FAF1: variants seen among roughly 807,000 people sequenced by gnomAD.
The protein encoded by FAF1 is FAS-associated factor 1.
FAF1 carries 25 observed loss-of-function variants against 92.5 expected under a neutral mutation model. That is an observed-to-expected ratio of 0.27 (90% CI 0.20 to 0.38). The LOEUF is 0.38. Among genes scored for constraint, FAF1 ranks in the 10% least tolerant of loss-of-function variants. FAF1 has a pLI of 1.00. For synonymous variants in FAF1, 234 were observed against 273.2 expected, an observed-to-expected ratio of 0.86 and a Z score of 1.42; for missense variants, 636 against 793.3, an observed-to-expected ratio of 0.80 and a Z score of 2.38.
chr1:50,648,701 C>T (rs1048268821), intron 8 of FAF1, among the ~76,000 whole-genome samples: 2 of 151,968 alleles, frequency 1.3e-5, no homozygotes, highest in African/African-American at 2.4e-5. Context: ...CCGAGGTAGG[C>T]GGATCACCTG....
chr1:50,635,598 G>C (rs1437701150), intron 8 of FAF1, among the ~76,000 whole-genome samples: 1 of 152,096 alleles, frequency 6.6e-6, no homozygotes, highest in Non-Finnish European at 1.5e-5. Flanking sequence ...ACTAATTTTT[G>C]TATTTTTGAT....
intron 18 of FAF1, among the ~76,000 whole-genome samples, chr1:50,446,178 T>C (rs1646225252): frequency 6.6e-6 from 1 of 152,068 alleles, no homozygotes; most frequent in African/African-American, 2.4e-5. Flanking sequence ...CTTAGAGAGG[T>C]CAAGTGACTT....
intron 1 of FAF1, among the ~76,000 whole-genome samples, chr1:50,911,745 T>C (rs1175020873): frequency 1.3e-5 from 2 of 150,416 alleles, no homozygotes; most frequent in African/African-American, 4.9e-5. Context: ...ATAAAATTTG[T>C]ACTTGGGCCA....
At chr1:50,611,336 A>G (rs1431595575) in intron 8 of FAF1, among the ~76,000 whole-genome samples, 1 of 152,208 alleles carries the variant, frequency 6.6e-6, no homozygotes, top group African/African-American at 2.4e-5. Flanking sequence ...GGTAGATATT[A>G]ACACAAAAAG....
At chr1:50,704,826 G>A (rs921094993) in intron 7 of FAF1, among the ~76,000 whole-genome samples, 4 of 152,042 alleles carry the variant, frequency 2.6e-5, no homozygotes, top group African/African-American at 9.7e-5. Context: ...AAATTCAGAA[G>A]CTGAAATTCA....
chr1:50,828,719 C>T (rs958841011), intron 2 of FAF1, among the ~76,000 whole-genome samples: 2 of 152,016 alleles, frequency 1.3e-5, no homozygotes, highest in African/African-American at 2.4e-5. Flanking sequence ...CTAAAAGAAA[C>T]GCAGGAAAAC....
intron 8 of FAF1, among the ~76,000 whole-genome samples, chr1:50,599,103 T>A (rs1244023144): frequency 6.6e-6 from 1 of 152,098 alleles, no homozygotes; most frequent in East Asian, 1.9e-4. Flanking sequence ...ACTTTTTCAC[T>A]GTGTTGTATT....
chr1:50,624,438 C>A (rs1157100545), intron 8 of FAF1, among the ~76,000 whole-genome samples: 2 of 152,100 alleles, frequency 1.3e-5, no homozygotes, highest in African/African-American at 4.8e-5. Context: ...TGAGCCACCG[C>A]GCCCGGCCAA....
At chr1:50,692,245 G>C (rs1002721940) in intron 7 of FAF1, among the ~76,000 whole-genome samples, 75 of 62,008 alleles carry the variant, frequency 1.2e-3, no homozygotes, top group African/African-American at 5.0e-3. Context: ...TATTTACTGT[G>C]TGTGTGTGTG....
chr1:50,721,880 T>C (rs1480486399), intron 6 of FAF1, among the ~76,000 whole-genome samples: 2 of 152,074 alleles, frequency 1.3e-5, no homozygotes, highest in East Asian at 3.9e-4. Context: ...CACCTTAGCC[T>C]CCCAAAGTGT....
chr1:50,509,641 G>A (rs1214427494), intron 15 of FAF1, among the ~76,000 whole-genome samples: 1 of 152,008 alleles, frequency 6.6e-6, no homozygotes, highest in Non-Finnish European at 1.5e-5. Flanking sequence ...AGCAAAAGAA[G>A]TGCCTGGTAA....
intron 9 of FAF1, among the ~76,000 whole-genome samples, chr1:50,590,171 A>G (rs928606176): frequency 1.3e-5 from 2 of 152,154 alleles, no homozygotes; most frequent in Admixed American, 1.3e-4. Context: ...TTCCATATGA[A>G]TTTTTGGATA....
intron 4 of FAF1, among the ~76,000 whole-genome samples, chr1:50,770,787 A>G (rs1156397159): frequency 1.3e-5 from 2 of 152,344 alleles, no homozygotes; most frequent in Middle Eastern, 3.4e-3. Context: ...AGGAGCCTGA[A>G]TAGCCAAGAT....
At chr1:50,543,211 A>C (rs1648839551) in intron 13 of FAF1, among the ~76,000 whole-genome samples, 1 of 152,204 alleles carries the variant, frequency 6.6e-6, no homozygotes, top group Non-Finnish European at 1.5e-5. Flanking sequence ...CTTTCAACTT[A>C]AGTCATAATT....
intron 1 of FAF1, among the ~76,000 whole-genome samples, chr1:50,869,781 T>C (rs2124678801): frequency 6.6e-6 from 1 of 152,304 alleles, no homozygotes; most frequent in African/African-American, 2.4e-5. Context: ...ATTCTATTTT[T>C]TCACTATTTC....
chr1:50,478,004 G>A (rs575211077), intron 17 of FAF1, among the ~76,000 whole-genome samples: 12 of 152,268 alleles, frequency 7.9e-5, no homozygotes, highest in African/African-American at 2.9e-4. Context: ...TTTCTCTGAG[G>A]TATGACTCCT....
intron 18 of FAF1, among the ~76,000 whole-genome samples, chr1:50,469,873 T>C (rs1023896633): frequency 6.6e-6 from 1 of 152,114 alleles, no homozygotes; most frequent in African/African-American, 2.4e-5. Context: ...TGAATCTTGA[T>C]TATTTAGGGA....
At chr1:50,622,611 A>G (rs905325478) in intron 8 of FAF1, among the ~76,000 whole-genome samples, 1 of 152,150 alleles carries the variant, frequency 6.6e-6, no homozygotes, top group Non-Finnish European at 1.5e-5. Flanking sequence ...TTTTTAATTG[A>G]TCCATTTCAT....
Position 50,814,536 on chromosome 1 carries a change from T to C in FAF1, c.115-12859A>G, listed in dbSNP as rs529598086. Among the ~76,000 whole-genome samples, 32 of 152,226 alleles carry C rather than the reference T, an allele frequency of 2.1e-4. 1 individual carries two copies. In the South Asian group the frequency reaches 6.6e-3, roughly 32 times the overall value. On this transcript the variant is annotated intron_variant, in intron 2 of 18. Coordinates refer to ENST00000396153, the MANE Select transcript of FAF1 (RefSeq NM_007051.3). ...TGTATCTCAAAAACATTATAGATAT[T>C]CAAAAAACAAGCCAATTATAGATAT...
Sources: allele counts gnomAD v4.1 joint callset (sites outside exome capture counted in the v4.1 genomes callset), GRCh38; gene constraint gnomAD v4.1.1; transcripts MANE v1.5; gene names NCBI Gene and HGNC (gene_info 2026-07-23, HGNC 2026-07-21).